The following ADAMTS3 variants were observed in gnomAD, a reference collection of about 807,000 sequenced individuals.
The protein encoded by ADAMTS3 is A disintegrin and metalloproteinase with thrombospondin motifs 3.
A neutral mutation model predicts 129.0 loss-of-function variants in ADAMTS3; 73 were observed. That is an observed-to-expected ratio of 0.57 (90% CI 0.47 to 0.69). The LOEUF (loss-of-function observed/expected upper bound fraction) is 0.69. ADAMTS3 is among the 30% of genes least tolerant of loss of function. The probability of loss-of-function intolerance (pLI) is 0.00; values close to 1 mark genes in which losing one functional copy is unlikely to be tolerated. For missense variants in ADAMTS3, 1,457 were observed against 1,514.5 expected (o/e 0.96, Z 0.63); for synonymous variants, 477 against 510.8 (o/e 0.93, Z 0.89).
intron 3 of ADAMTS3, among the ~76,000 whole-genome samples, chr4:72,425,430 C>A (rs1440125607): frequency 6.6e-6 from 1 of 151,962 alleles, no homozygotes; most frequent in East Asian, 1.9e-4. Context: ...GTGTGCTGCA[C>A]CCATTAACTC....
intron 5 of ADAMTS3, among the ~76,000 whole-genome samples, chr4:72,327,620 C>T (rs1039055150): frequency 1.3e-5 from 2 of 152,072 alleles, no homozygotes; most frequent in Non-Finnish European, 2.9e-5. Context: ...AATTAGTACA[C>T]GAGCAAGGGA....
chr4:72,387,859 T>A (rs1721487279), intron 4 of ADAMTS3, among the ~76,000 whole-genome samples: 2 of 146,878 alleles, frequency 1.4e-5, no homozygotes, highest in South Asian at 4.2e-4. Context: ...AGTATGTAAT[T>A]AACAAAAGAC....
chr4:72,455,260 G>T (rs764836413), intron 3 of ADAMTS3, among the ~76,000 whole-genome samples: 1 of 151,660 alleles, frequency 6.6e-6, no homozygotes, highest in Non-Finnish European at 1.5e-5. Context: ...TAAAGAAAAT[G>T]TGGCACATAT....
chr4:72,526,570 ATGTGTGTG>A (rs56774889), intron 3 of ADAMTS3, among the ~76,000 whole-genome samples: 145 of 132,062 alleles, frequency 1.1e-3, no homozygotes, highest in Middle Eastern at 3.8e-3. Context: ...AATGAAATTT[ATGTGTGTG>A]TGTGTGTGTG....
At chr4:72,456,249 T>A (rs1718606253) in intron 3 of ADAMTS3, among the ~76,000 whole-genome samples, 1 of 146,340 alleles carries the variant, frequency 6.8e-6, no homozygotes, top group Non-Finnish European at 1.5e-5. Context: ...ATTTTATATA[T>A]AGTATATATA....
At chr4:72,303,101 G>A (rs1209227577) in intron 17 of ADAMTS3, among the ~76,000 whole-genome samples, 25 of 152,120 alleles carry the variant, frequency 1.6e-4, no homozygotes, top group Admixed American at 1.6e-3. Flanking sequence ...CTGGCTATAA[G>A]GACCTCACGC....
chr4:72,296,711 T>C (rs1718818454), intron 18 of ADAMTS3, among the ~76,000 whole-genome samples: 1 of 152,120 alleles, frequency 6.6e-6, no homozygotes, highest in South Asian at 2.1e-4. Flanking sequence ...AACTATAATA[T>C]AATTCTTAAA....
chr4:72,304,945 A>G (rs1719045549), intron 16 of ADAMTS3, among the ~76,000 whole-genome samples: 1 of 152,066 alleles, frequency 6.6e-6, no homozygotes, highest in East Asian at 1.9e-4. Context: ...AGAGAGAACT[A>G]TAGCTGACTG....
intron 3 of ADAMTS3, among the ~76,000 whole-genome samples, chr4:72,547,668 T>C (rs914882700): frequency 1.3e-5 from 2 of 152,104 alleles, no homozygotes; most frequent in Admixed American, 6.6e-5. Context: ...AGTATTTTAG[T>C]ACATATAAAA....
intron 4 of ADAMTS3, among the ~76,000 whole-genome samples, chr4:72,367,861 A>C (rs992737569): frequency 2.0e-5 from 3 of 152,094 alleles, no homozygotes; most frequent in Admixed American, 6.6e-5. Context: ...AAAAAAAAAA[A>C]AAAAAAGACA....
At chr4:72,387,650 A>G (rs558659454) in intron 4 of ADAMTS3, among the ~76,000 whole-genome samples, 1 of 152,286 alleles carries the variant, frequency 6.6e-6, no homozygotes, top group Admixed American at 6.5e-5. Flanking sequence ...AAGGCTAATT[A>G]GCAAATAGAG....
chr4:72,508,644 G>A (rs1333270703), intron 3 of ADAMTS3, among the ~76,000 whole-genome samples: 9 of 151,982 alleles, frequency 5.9e-5, no homozygotes, highest in Non-Finnish European at 1.2e-4. Context: ...ATCAGTCATA[G>A]CTATTCATTA....
At chr4:72,559,655 A>T (rs1293627066) in intron 2 of ADAMTS3, among the ~76,000 whole-genome samples, 1 of 151,814 alleles carries the variant, frequency 6.6e-6, no homozygotes, top group Non-Finnish European at 1.5e-5. Context: ...AAAAAGAAAC[A>T]GCACAAGTCA....
intron 2 of ADAMTS3, among the ~76,000 whole-genome samples, chr4:72,552,983 C>T (rs1721680779): frequency 6.6e-6 from 1 of 152,124 alleles, no homozygotes; most frequent in African/African-American, 2.4e-5. Context: ...GTTCTCTTCA[C>T]CTCATTTCCC....
intron 18 of ADAMTS3, among the ~76,000 whole-genome samples, chr4:72,296,163 T>C (rs533028404): frequency 1.3e-5 from 2 of 152,012 alleles, no homozygotes; most frequent in East Asian, 1.9e-4. Context: ...GGAAGAGATC[T>C]GTAACTTGGA....
chr4:72,530,689 T>C (rs2109762447), intron 3 of ADAMTS3, among the ~76,000 whole-genome samples: 1 of 91,302 alleles, frequency 1.1e-5, no homozygotes, highest in Non-Finnish European at 1.9e-5. Context: ...GTATAATATA[T>C]ATTGTATCAT....
chr4:72,474,097 T>C lies in ADAMTS3; in HGVS notation c.505-59126A>G, dbSNP rs1232119408. Among the ~76,000 whole-genome samples, 3 of 152,146 alleles carry C rather than the reference T, an allele frequency of 2.0e-5. No individual in the cohort carries two copies. The East Asian group carries it at 5.8e-4, about 29-fold the overall frequency. ...CTAAAATGGTGTCAGAAAAGGCCAG[T>C]TAAAACAGAAGGTTTAAATAAAATC... On this transcript the variant is annotated intron_variant, in intron 3 of 21. Coordinates refer to ENST00000286657, the MANE Select transcript of ADAMTS3 (RefSeq NM_014243.3).
In ADAMTS3 at chr4:72,288,876, G is replaced by C; in HGVS notation, c.2932-8C>G. The C allele has an allele frequency of 6.3e-7, 1 of 1,584,332 alleles. No individual in the cohort carries two copies. On this transcript the variant is annotated splice_region_variant and splice_polypyrimidine_tract_variant and intron_variant, in intron 20 of 21. Coordinates refer to ENST00000286657, the MANE Select transcript of ADAMTS3 (RefSeq NM_014243.3). ...ACCGCAGGTCACTGAACACTGCAGA[G>C]ACAAAGGCTGTGGTTACAGACATTT...
intron 5 of ADAMTS3, among the ~76,000 whole-genome samples, chr4:72,331,444 C>G (rs1719848781): frequency 6.6e-6 from 1 of 152,098 alleles, no homozygotes; most frequent in Non-Finnish European, 1.5e-5. Flanking sequence ...GAGTCTCTCT[C>G]CTCCAAATAA....
Sources: gnomAD v4.1 joint callset for allele counts (sites outside exome capture counted in the v4.1 genomes callset) on GRCh38, gnomAD v4.1.1 for gene constraint, MANE v1.5 for transcripts, NCBI Gene and HGNC (gene_info 2026-07-23, HGNC 2026-07-21) for gene names.